TBCK: variants seen among roughly 807,000 people sequenced by gnomAD.
The protein encoded by TBCK is TBC domain-containing protein kinase-like protein.
A neutral mutation model predicts 113.4 loss-of-function variants in TBCK; 99 were observed. The observed-to-expected ratio is 0.87, with a 90% CI of 0.74 to 1.03. The LOEUF (loss-of-function observed/expected upper bound fraction) is 1.03. Among genes scored for constraint, TBCK ranks in the 50% least tolerant of loss-of-function variants. TBCK has a pLI of 0.00. For missense variants in TBCK, 1,045 were observed against 1,061.3 expected (o/e 0.98, Z 0.21); for synonymous variants, 369 against 370.8 (o/e 1.00, Z 0.05).
intron 3 of TBCK, among the ~76,000 whole-genome samples, chr4:106,280,714 G>A (rs1205567036): frequency 2.6e-5 from 4 of 151,976 alleles, no homozygotes; most frequent in Non-Finnish European, 4.4e-5. Flanking sequence ...TGCTCTTGAC[G>A]CCTTTGGTAA....
At chr4:106,240,293 G>T (rs1407976933) in intron 12 of TBCK, among the ~76,000 whole-genome samples, 2 of 151,862 alleles carry the variant, frequency 1.3e-5, no homozygotes, top group Non-Finnish European at 2.9e-5. Flanking sequence ...CCAGAAATTA[G>T]ACAGGAGTGC....
chr4:106,073,909 G>T (rs1407201184), intron 25 of TBCK, among the ~76,000 whole-genome samples: 1 of 152,196 alleles, frequency 6.6e-6, no homozygotes, highest in Non-Finnish European at 1.5e-5. Context: ...ATGGGCATGG[G>T]ACCCACTGAG....
chr4:106,296,498 T>A (rs1766316913), intron 2 of TBCK, among the ~76,000 whole-genome samples: 1 of 152,212 alleles, frequency 6.6e-6, no homozygotes, highest in South Asian at 2.1e-4. Flanking sequence ...AAATCTAGTA[T>A]ATAAAATAGT....
At position 106,236,823 on chromosome 4, in the gene TBCK, A is replaced by G. The variant is rs758932065; in HGVS notation, c.1171-15T>C. ...TCTTTCAATCTCTGTGTATTTAAAG[A>G]CAAAATATTTATGTATAAACATATT... On this transcript the variant is annotated splice_polypyrimidine_tract_variant and intron_variant, in intron 12 of 25. Coordinates refer to ENST00000394708, the MANE Select transcript of TBCK (RefSeq NM_001163435.3). The G allele has an allele frequency of 8.2e-6, 12 of 1,466,028 alleles. No individual in the cohort carries two copies. The African/African-American group carries it at 1.7e-4, about 21-fold the overall frequency. The allele number at this position is 1,466,028 out of a possible 1,614,324, so 90.8% of individuals were successfully genotyped here. A position where few individuals can be genotyped will look rare whatever the true frequency, so the allele number is the denominator to read the frequency against.
chr4:106,102,597 G>A (rs1033207677), intron 24 of TBCK, among the ~76,000 whole-genome samples: 8 of 151,742 alleles, frequency 5.3e-5, no homozygotes, highest in African/African-American at 1.7e-4. Flanking sequence ...TAAAAAAAAA[G>A]ACGAGATGAA....
At chr4:106,145,349 A>C (rs1280024609) in intron 23 of TBCK, among the ~76,000 whole-genome samples, 3 of 152,082 alleles carry the variant, frequency 2.0e-5, no homozygotes, top group Admixed American at 2.0e-4. Context: ...AAAACAAAAA[A>C]ACTTGTTCAT....
intron 24 of TBCK, among the ~76,000 whole-genome samples, chr4:106,111,969 A>G (rs1458243613): frequency 6.6e-6 from 1 of 152,200 alleles, no homozygotes; most frequent in Non-Finnish European, 1.5e-5. Context: ...CTCCTGCAGC[A>G]CAAAGGGAAA....
intron 3 of TBCK, among the ~76,000 whole-genome samples, chr4:106,271,714 T>C (rs1449943019): frequency 6.8e-6 from 1 of 147,584 alleles, no homozygotes; most frequent in African/African-American, 2.5e-5. Flanking sequence ...ATCGCGCCAC[T>C]GCACTCCAAT....
At chr4:106,124,308 C>G (rs958288628) in intron 23 of TBCK, among the ~76,000 whole-genome samples, 17 of 152,216 alleles carry the variant, frequency 1.1e-4, no homozygotes, top group South Asian at 2.1e-4. Flanking sequence ...GAGATACCAT[C>G]TCACACCAGT....
chr4:106,170,086 G>A (rs1179252295), intron 23 of TBCK, among the ~76,000 whole-genome samples: 1 of 152,016 alleles, frequency 6.6e-6, no homozygotes, highest in African/African-American at 2.4e-5. Context: ...TGGCCTGGGG[G>A]TTGGGGATCC....
intron 3 of TBCK, among the ~76,000 whole-genome samples, chr4:106,271,384 G>A (rs1359099753): frequency 6.6e-6 from 1 of 152,118 alleles, no homozygotes; most frequent in East Asian, 1.9e-4. Flanking sequence ...TGTGTGTGTT[G>A]TTTTCTTGTG....
At chr4:106,087,767 C>A (rs184108086) in intron 25 of TBCK, among the ~76,000 whole-genome samples, 24 of 152,250 alleles carry the variant, frequency 1.6e-4, no homozygotes, top group Admixed American at 1.5e-3. Context: ...ACCAATGGAG[C>A]AGAACAGAGA....
At chr4:106,287,086 T>G (rs563104791) in intron 3 of TBCK, among the ~76,000 whole-genome samples, 1 of 152,014 alleles carries the variant, frequency 6.6e-6, no homozygotes, top group Non-Finnish European at 1.5e-5. Context: ...CTTTGTGGCT[T>G]ATGGGGTCCT....
chr4:106,097,345 T>C (rs928764755), intron 24 of TBCK, among the ~76,000 whole-genome samples: 1 of 152,160 alleles, frequency 6.6e-6, no homozygotes, highest in Non-Finnish European at 1.5e-5. Context: ...TCAACCAAAA[T>C]GTCCTGGATA....
At chr4:106,187,261 C>A (rs2149795053) in intron 22 of TBCK, among the ~76,000 whole-genome samples, 1 of 152,012 alleles carries the variant, frequency 6.6e-6, no homozygotes, top group South Asian at 2.1e-4. Flanking sequence ...ATATTTTTTT[C>A]TAATTCTGTG....
intron 19 of TBCK, among the ~76,000 whole-genome samples, chr4:106,226,132 C>T (rs1758221247): frequency 6.6e-6 from 1 of 151,994 alleles, no homozygotes; most frequent in African/African-American, 2.4e-5. Context: ...CCATGGCACT[C>T]TAACCTGGGT....
intron 19 of TBCK, among the ~76,000 whole-genome samples, chr4:106,221,124 A>G (rs1289206983): frequency 6.6e-6 from 1 of 152,144 alleles, no homozygotes; most frequent in Non-Finnish European, 1.5e-5. Context: ...CATCATGAAA[A>G]CACTGTCCTG....
intron 20 of TBCK, among the ~76,000 whole-genome samples, chr4:106,208,840 C>A (rs1476126805): frequency 2.6e-5 from 4 of 152,162 alleles, no homozygotes; most frequent in African/African-American, 9.7e-5. Context: ...GTAACACCCC[C>A]TTTGGGGCTT....
intron 20 of TBCK, among the ~76,000 whole-genome samples, chr4:106,201,524 T>C (rs926709938): frequency 2.0e-5 from 3 of 152,034 alleles, no homozygotes; most frequent in Non-Finnish European, 2.9e-5. Flanking sequence ...TATGTACAAT[T>C]GATTTGGTGT....
Sources: allele counts gnomAD v4.1 joint callset (sites outside exome capture counted in the v4.1 genomes callset), GRCh38; gene constraint gnomAD v4.1.1; transcripts MANE v1.5; gene names NCBI Gene and HGNC (gene_info 2026-07-23, HGNC 2026-07-21).